The following AMPH variants were observed in gnomAD, a reference collection of about 807,000 sequenced individuals.
The protein encoded by AMPH is amphiphysin.
In AMPH, 49 loss-of-function variants were observed where a neutral mutation model predicts 99.1. That is an observed-to-expected ratio of 0.49 (90% CI 0.39 to 0.63). The LOEUF is 0.63. Among genes scored for constraint, AMPH ranks in the 20% least tolerant of loss-of-function variants. The probability of loss-of-function intolerance (pLI) is 0.00; values close to 1 mark genes in which losing one functional copy is unlikely to be tolerated. For missense variants in AMPH, 759 were observed against 863.4 expected (o/e 0.88, Z 1.52); for synonymous variants, 314 against 317.3 (o/e 0.99, Z 0.11).
At chr7:38,387,639 A>G (rs1008791658) in intron 20 of AMPH, among the ~76,000 whole-genome samples, 1 of 152,118 alleles carries the variant, frequency 6.6e-6, no homozygotes, top group Non-Finnish European at 1.5e-5. Context: ...AGCTATCAAG[A>G]AGTCCAACTT....
intron 1 of AMPH, among the ~76,000 whole-genome samples, chr7:38,615,949 A>G (rs1346937971): frequency 2.0e-5 from 3 of 152,188 alleles, no homozygotes; most frequent in Admixed American, 2.0e-4. Flanking sequence ...GGCCTCTGCT[A>G]GAGCCAAAGA....
intron 18 of AMPH, chr7:38,392,530 A>G (rs3778890): frequency 0.16 from 25,203 of 152,850 alleles, 2,580 homozygotes; most frequent in Admixed American, 0.25. Flanking sequence ...GGGACTACAG[A>G]CACCTGCCAC....
At chr7:38,503,013 G>A (rs1027066469) in intron 3 of AMPH, among the ~76,000 whole-genome samples, 3 of 151,198 alleles carry the variant, frequency 2.0e-5, no homozygotes, top group African/African-American at 7.3e-5. Context: ...GTGACTCAGG[G>A]CAGGCAGCGT....
At chr7:38,563,040 A>G (rs914780626) in intron 1 of AMPH, among the ~76,000 whole-genome samples, 5 of 152,176 alleles carry the variant, frequency 3.3e-5, no homozygotes, top group African/African-American at 1.2e-4. Flanking sequence ...ATGTTTTCCT[A>G]TTTGAATTAA....
chr7:38,598,523 C>T (rs1254380078), intron 1 of AMPH, among the ~76,000 whole-genome samples: 3 of 152,242 alleles, frequency 2.0e-5, no homozygotes, highest in African/African-American at 2.4e-5. Context: ...AGGCTGGTCT[C>T]GAACTCCTGA....
chr7:38,585,428 G>C (rs1022577967), intron 1 of AMPH, among the ~76,000 whole-genome samples: 2 of 152,156 alleles, frequency 1.3e-5, no homozygotes, highest in Non-Finnish European at 2.9e-5. Flanking sequence ...CTGCTAACTA[G>C]GGCACTCACA....
At chr7:38,450,291 T>A (rs1265436428) in intron 11 of AMPH, among the ~76,000 whole-genome samples, 1 of 152,212 alleles carries the variant, frequency 6.6e-6, no homozygotes, top group Non-Finnish European at 1.5e-5. Flanking sequence ...GTATCTGCTA[T>A]GAAAAAATCC....
intron 17 of AMPH, among the ~76,000 whole-genome samples, chr7:38,410,181 C>G (rs1245721581): frequency 2.6e-5 from 4 of 152,204 alleles, no homozygotes; most frequent in East Asian, 3.9e-4. Context: ...AAACTGCCTT[C>G]TCCTAAGCAG....
chr7:38,599,631 T>C (rs1049399609), intron 1 of AMPH, among the ~76,000 whole-genome samples: 1 of 152,152 alleles, frequency 6.6e-6, no homozygotes, highest in Non-Finnish European at 1.5e-5. Flanking sequence ...TTGGCACCCC[T>C]AACCGCCACA....
chr7:38,418,198 A>G (rs1388612052), intron 16 of AMPH, among the ~76,000 whole-genome samples: 2 of 152,220 alleles, frequency 1.3e-5, no homozygotes, highest in Non-Finnish European at 2.9e-5. Flanking sequence ...AAGTCAGGCA[A>G]GACTTACCAT....
intron 5 of AMPH, among the ~76,000 whole-genome samples, chr7:38,485,460 G>A (rs1788452754): frequency 6.6e-6 from 1 of 151,846 alleles, no homozygotes; most frequent in Admixed American, 6.6e-5. Context: ...TATATGTAAA[G>A]CAAAATGACA....
At chr7:38,394,338 TC>T in intron 17 of AMPH, 124 bp from the exon 18 acceptor site, 1 of 998,878 alleles carries the variant, frequency 1.0e-6, no homozygotes, top group Non-Finnish European at 1.5e-6. Flanking sequence ...TTCTTTGCAC[TC>T]CCAGGATTTA....
chr7:38,417,785 C>T, intron 17 of AMPH, 40 bp downstream of exon 17: 2 of 1,607,528 alleles, frequency 1.2e-6, no homozygotes, highest in Non-Finnish European at 8.5e-7. Context: ...ATGGCTGTGG[C>T]AGCGAGGCAG....
chr7:38,461,197 ACCGC>A lies in AMPH; in HGVS notation c.1017+82_1017+85del, dbSNP rs1169312949. 36 of 1,501,040 alleles carry A rather than the reference ACCGC, an allele frequency of 2.4e-5. No individual in the cohort carries two copies. In the East Asian group the frequency reaches 8.0e-4, roughly 33 times the overall value. 93.0% of individuals were successfully genotyped at this position (1,501,040 alleles called of 1,614,324 possible). ...TTAAAATTATGTTGTTGGTTCTGGAACCGCCACTTTCTTTAGGGCTAGCCCCTGA... is the reference window on the plus strand; with the variant it reads ...TTAAAATTATGTTGTTGGTTCTGGAACACTTTCTTTAGGGCTAGCCCCTGA... On this transcript the variant is annotated intron_variant, in intron 11 of 20. Coordinates refer to ENST00000356264, the MANE Select transcript of AMPH (RefSeq NM_001635.4).
At chr7:38,468,048 T>C (rs957333958) in intron 7 of AMPH, among the ~76,000 whole-genome samples, 17 of 152,226 alleles carry the variant, frequency 1.1e-4, no homozygotes, top group African/African-American at 4.1e-4. Context: ...AGCTTATTCA[T>C]TTCCTTAGGA....
Position 38,533,751 on chromosome 7 carries a change from A to C in AMPH, c.150+1180T>G, listed in dbSNP as rs112979111. 2.3e-3 allele frequency among the ~76,000 whole-genome samples: 355 copies of C among 152,272 alleles called. 1 individual carries two copies. The highest frequency in any genetic ancestry group is 8.2e-3 in the African/African-American group (341 of 41,568). ...AATCCATGTCCTTATATTGTTCCCCACATAATCTGACTTTATAATGCGCAA... is the reference window on the plus strand; with the variant it reads ...AATCCATGTCCTTATATTGTTCCCCCCATAATCTGACTTTATAATGCGCAA... On this transcript the variant is annotated intron_variant, in intron 2 of 20. Transcript: ENST00000356264.
At chr7:38,488,250 A>G (rs958524434) in intron 5 of AMPH, among the ~76,000 whole-genome samples, 1 of 152,236 alleles carries the variant, frequency 6.6e-6, no homozygotes, top group Non-Finnish European at 1.5e-5. Flanking sequence ...TGCTATTCAC[A>G]ACAGCAAAGA....
chr7:38,390,991 GA>G lies in AMPH; in HGVS notation c.1878+756del, dbSNP rs1784474313. Among the ~76,000 whole-genome samples the G allele has an allele frequency of 7.2e-4, 43 of 59,720 alleles. 1 individual carries two copies. The highest frequency in any genetic ancestry group is 4.3e-3 in the South Asian group (10 of 2,328). 39.2% of individuals were successfully genotyped at this position (59,720 alleles called of 152,430 possible). A position where few individuals can be genotyped will look rare whatever the true frequency, so the allele number is the denominator to read the frequency against. On this transcript the variant is annotated intron_variant, in intron 19 of 20. Coordinates refer to ENST00000356264, the MANE Select transcript of AMPH (RefSeq NM_001635.4). Reference sequence around the variant, plus strand: ...AGAGAGAGAGAGAGAGAGAGAGAGAGAGAGAGAGAGAGAGAGAGAGAGAGAA... The same window carrying G: ...AGAGAGAGAGAGAGAGAGAGAGAGAGGAGAGAGAGAGAGAGAGAGAGAGAA...
intron 17 of AMPH, among the ~76,000 whole-genome samples, chr7:38,397,014 G>C (rs1396395219): frequency 6.6e-6 from 1 of 152,166 alleles, no homozygotes; most frequent in Non-Finnish European, 1.5e-5. Context: ...TCACACCTAT[G>C]AATATCCCAC....
Sources: allele counts gnomAD v4.1 joint callset (sites outside exome capture counted in the v4.1 genomes callset), GRCh38; gene constraint gnomAD v4.1.1; transcripts MANE v1.5; gene names NCBI Gene and HGNC (gene_info 2026-07-23, HGNC 2026-07-21).